Variants in PHGDH observed in about 807,000 individuals in gnomAD.
PHGDH encodes D-3-phosphoglycerate dehydrogenase.
A neutral mutation model predicts 52.6 loss-of-function variants in PHGDH; 50 were observed. The ratio of observed to expected loss-of-function variants is 0.95; its 90% CI spans 0.76 to 1.20. The LOEUF (loss-of-function observed/expected upper bound fraction) is 1.20, where lower values mean the gene tolerates loss of function less well. PHGDH is among the 50% of genes most tolerant of loss of function. The pLI is 0.00. For missense variants in PHGDH, 630 were observed against 684.6 expected, an observed-to-expected ratio of 0.92 and a Z score of 0.89; for synonymous variants, 271 against 280.5, an observed-to-expected ratio of 0.97 and a Z score of 0.34.
chr1:119,740,290 G>A (rs1652137083), intron 8 of PHGDH, 96 bp from the exon 9 acceptor site: 5 of 1,345,778 alleles, frequency 3.7e-6, no homozygotes, highest in Non-Finnish European at 5.3e-6. Context: ...ACCCTATACT[G>A]TCTTTCTTGT....
At chr1:119,740,339 T>C in intron 8 of PHGDH, 47 bp from the exon 9 acceptor site, 1 of 1,611,324 alleles carries the variant, frequency 6.2e-7, no homozygotes, top group Non-Finnish European at 8.5e-7. Context: ...ATTCAGGATC[T>C]GCCATGCCTC....
At chr1:119,738,711 G>A (rs1652054708) in intron 8 of PHGDH, among the ~76,000 whole-genome samples, 1 of 150,326 alleles carries the variant, frequency 6.7e-6, no homozygotes, top group Non-Finnish European at 1.5e-5. Context: ...TTACCATTAG[G>A]TAGCAGTGAC....
In PHGDH at chr1:119,712,413, C is replaced by A. The variant is rs587734989; in HGVS notation, c.138+253C>A. The stretch of plus-strand genomic sequence containing the variant: ...CGTTGGCATGCCTCCGCTAGCATTG[C>A]AAAGTGCGGGCTGCTCCAACTGGTC... On this transcript the variant is annotated intron_variant, in intron 1 of 11. Transcript: ENST00000641023. 1.7e-3 allele frequency: 828 copies of A among 474,154 alleles called. 16 individuals carry two copies. Among genetic ancestry groups the A allele is most frequent in the South Asian group, 0.015 (735 of 49,604 alleles). 29.4% of individuals were successfully genotyped at this position (474,154 alleles called of 1,614,324 possible). A position where few individuals can be genotyped will look rare whatever the true frequency, so the allele number is the denominator to read the frequency against.
At chr1:119,732,246 C>A (rs983960479) in intron 5 of PHGDH, among the ~76,000 whole-genome samples, 2 of 152,220 alleles carry the variant, frequency 1.3e-5, no homozygotes, top group African/African-American at 2.4e-5. Flanking sequence ...TCAGGGCTGT[C>A]TTCTGTGACC....
Position 119,739,622 on chromosome 1 carries a change from G to T in PHGDH, c.946-764G>T, listed in dbSNP as rs587724824. 3 of 152,312 alleles carry T rather than the reference G, an allele frequency of 2.0e-5. No individual in the cohort carries two copies. In the South Asian group the frequency reaches 6.2e-4, roughly 32 times the overall value. 9.4% of individuals were successfully genotyped at this position (152,312 alleles called of 1,614,324 possible). A position where few individuals can be genotyped will look rare whatever the true frequency, so the allele number is the denominator to read the frequency against. ...AATTACATCTTGTAGCTGCCTGTTTGATTTGCATCTTTCTAAGATGGTTGA... is the reference window on the plus strand; with the variant it reads ...AATTACATCTTGTAGCTGCCTGTTTTATTTGCATCTTTCTAAGATGGTTGA... On this transcript the variant is annotated intron_variant, in intron 8 of 11. Coordinates refer to ENST00000641023, the MANE Select transcript of PHGDH (RefSeq NM_006623.4).
chr1:119,715,303 C>T (rs1402569272), intron 1 of PHGDH, among the ~76,000 whole-genome samples: 1 of 152,196 alleles, frequency 6.6e-6, no homozygotes, highest in Non-Finnish European at 1.5e-5. Context: ...GAAGCACATC[C>T]ATACCTTCAT....
chr1:119,741,441 A>G (rs1304644630), intron 9 of PHGDH, among the ~76,000 whole-genome samples: 1 of 152,130 alleles, frequency 6.6e-6, no homozygotes, highest in East Asian at 1.9e-4. Context: ...AAGAGTAGGG[A>G]ATTTTCCTGT....
Position 119,743,954 on chromosome 1 carries a change from T to C in PHGDH, c.1516T>C (p.Trp506Arg). ...QTSLVSDGET[W>R]HVMGISSLLP... ...TTCACTGGTGTCAGATGGGGAGACC[T>C]GGCACGTCATGGGCATCTCCTCCTT... Residue 506 changes from tryptophan to arginine, a missense_variant, in exon 12 of 12, where the codon TGG (tryptophan) becomes CGG (arginine). Physicochemically the swap from Trp to Arg is moderately radical, Grantham distance 101 (BLOSUM62 -3). Coordinates refer to ENST00000641023, the MANE Select transcript of PHGDH (RefSeq NM_006623.4). 2 of 1,613,800 alleles carry C rather than the reference T, an allele frequency of 1.2e-6. No individual in the cohort carries two copies. The highest frequency in any genetic ancestry group is 2.7e-5 in the African/African-American group (2 of 75,048).
chr1:119,716,852 G>A (rs754997345), intron 1 of PHGDH, among the ~76,000 whole-genome samples: 1 of 152,040 alleles, frequency 6.6e-6, no homozygotes, highest in Admixed American at 6.6e-5. Flanking sequence ...CCTCCAAAAA[G>A]GTCATGCAGT....
rs1294928573 is a variant in PHGDH at position 119,734,630 on chromosome 1, C to A, written c.511-4C>A. 1.2e-5 allele frequency: 19 copies of A among 1,613,842 alleles called. No individual in the cohort carries two copies. Among genetic ancestry groups the A allele is most frequent in the African/African-American group, 2.7e-5 (2 of 74,934 alleles). ...CTTCCTCCCTCTCTCTTGCTTCCAA[C>A]CAGACTATAGGGTATGACCCCATCA... On this transcript the variant is annotated splice_region_variant and splice_polypyrimidine_tract_variant and intron_variant, in intron 5 of 11. Coordinates refer to ENST00000641023, the MANE Select transcript of PHGDH (RefSeq NM_006623.4).
At chr1:119,720,999 C>A in intron 1 of PHGDH, 171 bp from the exon 2 acceptor site, 1 of 714,640 alleles carries the variant, frequency 1.4e-6, no homozygotes, top group Non-Finnish European at 2.6e-6. Flanking sequence ...TGAGTCCTAG[C>A]CCACATTTCC....
chr1:119,719,689 T>C (rs1651068174), intron 1 of PHGDH: 1 of 152,264 alleles, frequency 6.6e-6, no homozygotes, highest in African/African-American at 2.4e-5. Context: ...AATTACCCAC[T>C]GCTCTCCTTA....
At chr1:119,730,422 T>C (rs587675136) in intron 5 of PHGDH, among the ~76,000 whole-genome samples, 1 of 152,348 alleles carries the variant, frequency 6.6e-6, no homozygotes, top group Admixed American at 6.5e-5. Context: ...TATACTTGAT[T>C]ACCATCTGAA....
intron 7 of PHGDH, among the ~76,000 whole-genome samples, 179 bp downstream of exon 7, chr1:119,735,622 G>A (rs1388995319): frequency 2.6e-5 from 4 of 152,198 alleles, no homozygotes; most frequent in South Asian, 2.1e-4. Context: ...GAGTCCTTGC[G>A]GAGCCTGGTA....
At chr1:119,717,298 A>G (rs1425831540) in intron 1 of PHGDH, among the ~76,000 whole-genome samples, 1 of 146,268 alleles carries the variant, frequency 6.8e-6, no homozygotes, top group Non-Finnish European at 1.5e-5. Flanking sequence ...TTGGTGATGA[A>G]TCCTTGTTCT....
chr1:119,721,331 G>A lies in PHGDH; in HGVS notation c.290+10G>A. The A allele has an allele frequency of 6.2e-7, 1 of 1,612,184 alleles. No individual in the cohort carries two copies. The highest frequency in any genetic ancestry group is 1.1e-5 in the South Asian group (1 of 91,050). On this transcript the variant is annotated intron_variant, in intron 2 of 11. Transcript: ENST00000641023. ...GCATCTTGGTTATGAAGTAAGTCAT[G>A]GAGGCTGCGGGCGGTTTGGGGGTAG...
intron 1 of PHGDH, among the ~76,000 whole-genome samples, chr1:119,718,049 A>G (rs1651006536): frequency 6.6e-6 from 1 of 152,210 alleles, no homozygotes; most frequent in Admixed American, 6.5e-5. Context: ...TCTTCTCGAC[A>G]GAGGCATTTG....
intron 5 of PHGDH, chr1:119,727,671 A>C (rs1406087343): frequency 6.5e-6 from 1 of 153,300 alleles, no homozygotes; most frequent in Non-Finnish European, 1.4e-5. Context: ...CTACTAAAAA[A>C]AAAAAAAAAA....
intron 8 of PHGDH, chr1:119,739,671 G>C (rs1158921878): frequency 2.6e-5 from 4 of 152,186 alleles, no homozygotes; most frequent in African/African-American, 9.7e-5. Context: ...CTCAATAAAA[G>C]TGGCCAGATG....
Sources: gnomAD v4.1 joint callset for allele counts (sites outside exome capture counted in the v4.1 genomes callset) on GRCh38, gnomAD v4.1.1 for gene constraint, MANE v1.5 for transcripts, NCBI Gene and HGNC (gene_info 2026-07-23, HGNC 2026-07-21) for gene names.